Variants in PTGR2 observed in about 807,000 individuals in gnomAD.
PTGR2 encodes the protein prostaglandin reductase 2.
A neutral mutation model predicts 43.4 loss-of-function variants in PTGR2; 32 were observed. The observed-to-expected ratio is 0.74, with a 90% CI of 0.56 to 0.99. The LOEUF (loss-of-function observed/expected upper bound fraction) is 0.99, where lower values mean the gene tolerates loss of function less well. PTGR2 is among the 50% of genes least tolerant of loss of function. The probability of loss-of-function intolerance (pLI) is 0.00; values close to 1 mark genes in which losing one functional copy is unlikely to be tolerated. For synonymous variants in PTGR2, 106 were observed against 139.2 expected (o/e 0.76, Z 1.68); for missense variants, 373 against 420.0 (o/e 0.89, Z 0.98).
intron 1 of PTGR2, among the ~76,000 whole-genome samples, chr14:73,853,229 TAGC>T (rs1440897681): frequency 6.6e-6 from 1 of 152,156 alleles, no homozygotes; most frequent in African/African-American, 2.4e-5. Context: ...GTGATGGAAA[TAGC>T]AGGTGCCGTG....
intron 3 of PTGR2, among the ~76,000 whole-genome samples, chr14:73,870,193 C>CTT (rs34746463): frequency 0.073 from 9,323 of 127,500 alleles, 753 homozygotes; most frequent in East Asian, 0.42. Flanking sequence ...CTTAAGCAAC[C>CTT]TTTTTTTTTT....
intron 2 of PTGR2, among the ~76,000 whole-genome samples, chr14:73,859,414 T>C (rs1332507256): frequency 6.6e-6 from 1 of 152,110 alleles, no homozygotes; most frequent in Non-Finnish European, 1.5e-5. Flanking sequence ...AAGATCTTTA[T>C]GTACTATTCC....
chr14:73,880,996 C>T (rs918558752), intron 7 of PTGR2, among the ~76,000 whole-genome samples: 16 of 152,158 alleles, frequency 1.1e-4, no homozygotes, highest in Non-Finnish European at 1.9e-4. Context: ...ACGGGGGTTT[C>T]ACCGTGTTGG....
At chr14:73,857,610 TC>T (rs1249808252) in intron 1 of PTGR2, among the ~76,000 whole-genome samples, 2 of 115,770 alleles carry the variant, frequency 1.7e-5, no homozygotes, top group African/African-American at 3.2e-5. Flanking sequence ...TAAGATTCTG[TC>T]CCCCACTCCA....
At chr14:73,874,566 CTTGT>C (rs1219412860) in intron 4 of PTGR2, 2 of 459,756 alleles carry the variant, frequency 4.4e-6, no homozygotes, top group South Asian at 1.5e-5. Flanking sequence ...TGTTTCTTTG[CTTGT>C]TTGTTTGTTT....
intron 1 of PTGR2, chr14:73,857,960 C>T (rs12879144): frequency 0.4 from 60,834 of 151,338 alleles, 12,798 homozygotes; most frequent in Non-Finnish European, 0.46. Context: ...TGAGCCACCG[C>T]GCCCAGCTGC....
rs1295626303 is a variant in PTGR2 at position 73,882,388 on chromosome 14, T to C, written c.940-11T>C. ...TTAAAGACTATTAAATCTAGCTATT[T>C]TGATTTACAGATTAAAGAGACGGTA... On this transcript the variant is annotated splice_polypyrimidine_tract_variant and intron_variant, in intron 8 of 9. Transcript: ENST00000555661. 1 of 1,536,552 alleles carries C rather than the reference T, an allele frequency of 6.5e-7. No homozygotes were observed. Among genetic ancestry groups the C allele is most frequent in the African/African-American group, 1.4e-5 (1 of 72,938 alleles).
At chr14:73,878,626 TC>T (rs1412211957) in intron 5 of PTGR2, 7 of 478,212 alleles carry the variant, frequency 1.5e-5, no homozygotes, top group Non-Finnish European at 2.9e-5. Context: ...GCTGAACAAC[TC>T]CGTGAATCAT....
At chr14:73,854,354 A>G (rs1417493690) in intron 1 of PTGR2, among the ~76,000 whole-genome samples, 1 of 152,106 alleles carries the variant, frequency 6.6e-6, no homozygotes, top group Admixed American at 6.6e-5. Flanking sequence ...CACCTGCCTC[A>G]GCCTCCCAAA....
At chr14:73,876,802 A>G (rs907720074) in intron 4 of PTGR2, among the ~76,000 whole-genome samples, 196 bp from the exon 5 acceptor site, 7 of 151,772 alleles carry the variant, frequency 4.6e-5, no homozygotes, top group Non-Finnish European at 7.4e-5. Context: ...TTGGACTAGG[A>G]CCCCACCTTT....
intron 3 of PTGR2, among the ~76,000 whole-genome samples, chr14:73,873,705 C>T (rs1255276885): frequency 1.3e-5 from 2 of 152,094 alleles, no homozygotes; most frequent in Non-Finnish European, 2.9e-5. Context: ...CTCAAGTGAT[C>T]TGCCCGCCTC....
chr14:73,857,767 C>T (rs1484623213), intron 1 of PTGR2, among the ~76,000 whole-genome samples: 3 of 147,868 alleles, frequency 2.0e-5, no homozygotes, highest in Non-Finnish European at 4.4e-5. Context: ...CTCCCGGGTC[C>T]ACGCCATTCT....
At chr14:73,868,062 G>A (rs2054642243) in intron 3 of PTGR2, among the ~76,000 whole-genome samples, 1 of 152,148 alleles carries the variant, frequency 6.6e-6, no homozygotes, top group South Asian at 2.1e-4. Context: ...CGAGGTGGGT[G>A]GATAACCTGA....
intron 4 of PTGR2, 47 bp downstream of exon 4, chr14:73,874,261 T>C (rs774000629): frequency 7.3e-7 from 1 of 1,379,092 alleles, no homozygotes; most frequent in Non-Finnish European, 1.0e-6. Context: ...CGTATAATTC[T>C]TACTTTGTGC....
chr14:73,877,149 G>A lies in PTGR2; in HGVS notation c.500G>A (p.Cys167Tyr). Residue 167 changes from cysteine to tyrosine, a missense_variant, in exon 5 of 10, where the codon TGT becomes TAT. Cys to Tyr is a radical substitution (Grantham distance 194). Transcript: ENST00000555661. ...GTTGTCAGTGGGGCCGCAGGTGCCTGTGGATCTGTGGCTGGGCAGGTAAAC... is the reference window on the plus strand; with the variant it reads ...GTTGTCAGTGGGGCCGCAGGTGCCTATGGATCTGTGGCTGGGCAGGTAAAC... ...TMVVSGAAGA[C>Y]GSVAGQIGHF... The A allele has an allele frequency of 6.2e-7, 1 of 1,612,116 alleles. No individual in the cohort carries two copies. Among genetic ancestry groups the A allele is most frequent in the Non-Finnish European group, 8.5e-7 (1 of 1,179,206 alleles).
intron 3 of PTGR2, 86 bp downstream of exon 3, chr14:73,860,743 C>A: frequency 1.4e-6 from 1 of 713,562 alleles, no homozygotes; most frequent in South Asian, 1.6e-5. Context: ...TGTGCAGTCC[C>A]TTATAGATTG....
In PTGR2 at chr14:73,880,083, G is replaced by A. The variant is rs1268658397; in HGVS notation, c.758G>A (p.Cys253Tyr). 6.2e-7 allele frequency: 1 copy of A among 1,613,816 alleles called. No individual in the cohort carries two copies. Among genetic ancestry groups the A allele is most frequent in the Non-Finnish European group, 8.5e-7 (1 of 1,179,816 alleles). ...QMNENSHIIL[C>Y]GQISQYNKDV... ...AATGAGAACAGCCACATCATCCTGT[G>A]TGGTCAAATTTCTCAGTACAACAAA... Residue 253 changes from cysteine to tyrosine, a missense_variant, in exon 7 of 10, where the codon TGT (cysteine) becomes TAT (tyrosine). By Grantham distance (194) the Cys-to-Tyr change is radical. Coordinates refer to ENST00000555661, the MANE Select transcript of PTGR2 (RefSeq NM_001146154.2).
intron 1 of PTGR2, among the ~76,000 whole-genome samples, chr14:73,853,783 T>C (rs1179710410): frequency 6.6e-6 from 1 of 152,102 alleles, no homozygotes; most frequent in African/African-American, 2.4e-5. Context: ...AGGGACTTTT[T>C]CCAAGTTCCC....
chr14:73,878,629 G>A (rs770987043), intron 5 of PTGR2: 7 of 478,544 alleles, frequency 1.5e-5, no homozygotes, highest in South Asian at 7.8e-5. Context: ...GAACAACTCC[G>A]TGAATCATGC....
Sources: gnomAD v4.1 joint callset for allele counts (sites outside exome capture counted in the v4.1 genomes callset) on GRCh38, gnomAD v4.1.1 for gene constraint, MANE v1.5 for transcripts, NCBI Gene and HGNC (gene_info 2026-07-23, HGNC 2026-07-21) for gene names.